ALMS1: variants seen among roughly 807,000 people sequenced by gnomAD.
ALMS1 encodes centrosome-associated protein ALMS1.
Under a neutral mutation model 352.2 loss-of-function variants are expected in ALMS1, and 271 were observed. That is an observed-to-expected ratio of 0.77 (90% CI 0.70 to 0.85). The LOEUF (loss-of-function observed/expected upper bound fraction) is 0.85, where lower values mean the gene tolerates loss of function less well. ALMS1 is among the 40% of genes least tolerant of loss of function. ALMS1 has a pLI of 0.00. For missense variants in ALMS1, 5,445 were observed against 4,870.7 expected, an observed-to-expected ratio of 1.12 and a Z score of -3.51; for synonymous variants, 1,865 against 1,761.2, an observed-to-expected ratio of 1.06 and a Z score of -1.48.
At chr2:73,467,053 T>G (rs547150767) in intron 9 of ALMS1, among the ~76,000 whole-genome samples, 9 of 152,182 alleles carry the variant, frequency 5.9e-5, no homozygotes, top group African/African-American at 1.9e-4. Context: ...AAAATAAAGT[T>G]TCTTGAAAAT....
intron 17 of ALMS1, among the ~76,000 whole-genome samples, chr2:73,599,978 T>C (rs540511307): frequency 6.6e-6 from 1 of 152,368 alleles, no homozygotes; most frequent in African/African-American, 2.4e-5. Flanking sequence ...TAAATTATTG[T>C]ATGTCTAGAT....
chr2:73,456,753 G>T (rs1256266973), intron 9 of ALMS1: 1 of 152,098 alleles, frequency 6.6e-6, no homozygotes, highest in Admixed American at 6.5e-5. Context: ...AAAATAATAA[G>T]AATAATAAAA....
chr2:73,450,299 C>T lies in ALMS1; in HGVS notation c.3772C>T (p.Pro1258Ser), dbSNP rs1202855333. ...CCAACAGGTCTTGCCAGATAATCAT[C>T]CAACTGAAGAGGCTCTGAAAATTTC... ...FYQQVLPDNH[P>S]TEEALKISVA... Residue 1258 changes from proline (P) to serine (S), a missense_variant, in exon 8 of 23, where the codon CCA becomes TCA. By Grantham distance (74) the Pro-to-Ser change is moderately conservative. Transcript: ENST00000613296. 3 of 1,613,522 alleles carry T rather than the reference C, an allele frequency of 1.9e-6. No homozygotes were observed. The highest frequency in any genetic ancestry group is 2.7e-5 in the African/African-American group (2 of 74,742).
chr2:73,514,843 AC>A (rs1365669810), intron 10 of ALMS1, among the ~76,000 whole-genome samples: 18 of 152,166 alleles, frequency 1.2e-4, no homozygotes, highest in Admixed American at 8.5e-4. Context: ...TTAAAGAGCT[AC>A]TATCTTTGTT....
chr2:73,605,597 C>T (rs1458731326), intron 21 of ALMS1, among the ~76,000 whole-genome samples: 1 of 152,164 alleles, frequency 6.6e-6, no homozygotes, highest in African/African-American at 2.4e-5. Context: ...GCCTATAATC[C>T]CAACACTTTG....
intron 7 of ALMS1, among the ~76,000 whole-genome samples, chr2:73,435,946 A>T (rs1404064547): frequency 1.3e-5 from 2 of 152,190 alleles, no homozygotes; most frequent in Non-Finnish European, 2.9e-5. Flanking sequence ...ACAGGAAATG[A>T]AGTATGTCTT....
Position 73,490,901 on chromosome 2 carries a change from A to G in ALMS1, c.8942A>G (p.Asn2981Ser), listed in dbSNP as rs200390821. 2.2e-4 allele frequency: 358 copies of G among 1,613,820 alleles called. 2 individuals carry two copies. Among genetic ancestry groups the G allele is most frequent in the Non-Finnish European group, 2.0e-5 (24 of 1,179,962 alleles). The change falls in exon 10 of 23, where the codon AAT (asparagine) becomes AGT (serine). Residue 2981 changes from asparagine (N) to serine (S), a missense_variant. Coordinates refer to ENST00000613296, the MANE Select transcript of ALMS1 (RefSeq NM_001378454.1). Reference sequence around the variant, plus strand: ...GCGCCAGGTGTAGATGACCAAATGAATAAACACCATTTTCCCCTTCCTCAA... The same window carrying G: ...GCGCCAGGTGTAGATGACCAAATGAGTAAACACCATTTTCCCCTTCCTCAA... ...SKAPGVDDQM[N>S]KHHFPLPQGQ... is the part of the protein sequence containing the mutation.
intron 7 of ALMS1, among the ~76,000 whole-genome samples, chr2:73,433,944 A>G (rs1466790505): frequency 6.6e-6 from 1 of 152,142 alleles, no homozygotes; most frequent in Non-Finnish European, 1.5e-5. Context: ...AAGGTTAGTT[A>G]CAATGCCCTC....
Position 73,573,244 on chromosome 2 carries a change from G to C in ALMS1, c.11367G>C (p.Arg3789=). 6.2e-7 allele frequency: 1 copy of C among 1,613,636 alleles called. No individual in the cohort carries two copies. The highest frequency in any genetic ancestry group is 8.5e-7 in the Non-Finnish European group (1 of 1,179,656). Residue 3789 remains arginine (R), a synonymous_variant, in exon 16 of 23, where the codon CGG becomes CGC. Coordinates refer to ENST00000613296, the MANE Select transcript of ALMS1 (RefSeq NM_001378454.1). ...CTGTTTCCACTATTGACACTGCCCG[G>C]CTGATTCAAGCTTTTGGCCATGAAA... ...SSSVSTIDTA[R]LIQAFGHERV... is the part of the protein sequence containing the mutation.
Position 73,419,413 on chromosome 2 carries a change from G to A in ALMS1, c.646+95G>A, listed in dbSNP as rs574577306. On this transcript the variant is annotated intron_variant, in intron 3 of 22. Transcript: ENST00000613296. ...GTAACTTTCCCCTTTTTGAGTTAAG[G>A]AGCTCTGTAGAGACCTACTCAGAGG... 2.6e-6 allele frequency: 3 copies of A among 1,152,422 alleles called. No individual in the cohort carries two copies. The South Asian group carries it at 3.7e-5, about 14-fold the overall frequency. 71.4% of individuals were successfully genotyped at this position (1,152,422 alleles called of 1,614,324 possible). A position where few individuals can be genotyped will look rare whatever the true frequency, so the allele number is the denominator to read the frequency against.
intron 13 of ALMS1, among the ~76,000 whole-genome samples, chr2:73,550,849 T>A (rs994764660): frequency 9.9e-5 from 15 of 152,068 alleles, no homozygotes; most frequent in East Asian, 9.7e-4. Flanking sequence ...TTTTTTTTTT[T>A]AATTTTTTTA....
At chr2:73,484,862 G>T (rs916022698) in intron 9 of ALMS1, among the ~76,000 whole-genome samples, 2 of 152,116 alleles carry the variant, frequency 1.3e-5, no homozygotes, top group Non-Finnish European at 2.9e-5. Context: ...TCCAGTTGAT[G>T]GCATCGGCTC....
chr2:73,426,193 T>G (rs1376265665), intron 5 of ALMS1, among the ~76,000 whole-genome samples: 1 of 152,144 alleles, frequency 6.6e-6, no homozygotes, highest in East Asian at 1.9e-4. Context: ...AAACTTTAAT[T>G]TGGGTAAGGA....
In ALMS1 at chr2:73,452,238, T is replaced by A. The variant is rs1694676264; in HGVS notation, c.5711T>A (p.Ile1904Asn). ...SSYSNREKAS[I>N]FHQQELPDVT... The stretch of plus-strand genomic sequence containing the variant: ...TACTCAAATAGAGAGAAGGCCAGTA[T>A]TTTTCATCAGCAGGAGTTGCCAGAT... The change falls in exon 8 of 23, where the codon ATT (isoleucine) becomes AAT (asparagine). Residue 1904 changes from isoleucine to asparagine, a missense_variant. Transcript: ENST00000613296. 1 of 1,614,074 alleles carries A rather than the reference T, an allele frequency of 6.2e-7. No homozygotes were observed. The highest frequency in any genetic ancestry group is 8.5e-7 in the Non-Finnish European group (1 of 1,179,998).
At chr2:73,484,729 G>A (rs1358124838) in intron 9 of ALMS1, among the ~76,000 whole-genome samples, 1 of 152,120 alleles carries the variant, frequency 6.6e-6, no homozygotes, top group Non-Finnish European at 1.5e-5. Context: ...ACGTAGATTT[G>A]TTCTTTTCAC....
chr2:73,594,313 A>G (rs1675500803), intron 16 of ALMS1, among the ~76,000 whole-genome samples: 1 of 152,222 alleles, frequency 6.6e-6, no homozygotes, highest in Non-Finnish European at 1.5e-5. Flanking sequence ...TTATTCTTAG[A>G]CTTTTCTATT....
At chr2:73,575,456 A>C (rs1433572516) in intron 16 of ALMS1, among the ~76,000 whole-genome samples, 1 of 152,172 alleles carries the variant, frequency 6.6e-6, no homozygotes, top group Non-Finnish European at 1.5e-5. Flanking sequence ...CAAGGGTTTC[A>C]ATTTTATTGC....
intron 16 of ALMS1, among the ~76,000 whole-genome samples, chr2:73,593,113 G>GAGA (rs766604949): frequency 5.5e-3 from 14 of 2,542 alleles, no homozygotes; most frequent in African/African-American, 0.028. Flanking sequence ...GAGATCATTA[G>GAGA]AGATGCGTGG....
intron 2 of ALMS1, 62 bp downstream of exon 2, chr2:73,408,809 T>C: frequency 6.5e-7 from 1 of 1,539,046 alleles, no homozygotes; most frequent in Admixed American, 1.7e-5. Context: ...AATTCTGATT[T>C]AGCTATGAAG....
Sources: allele counts gnomAD v4.1 joint callset (sites outside exome capture counted in the v4.1 genomes callset), GRCh38; gene constraint gnomAD v4.1.1; transcripts MANE v1.5; gene names NCBI Gene and HGNC (gene_info 2026-07-23, HGNC 2026-07-21).